NCK2: variants seen among roughly 807,000 people sequenced by gnomAD.
NCK2 encodes the protein cytoplasmic protein NCK2.
In NCK2, 16 loss-of-function variants were observed where a neutral mutation model predicts 33.9. The observed-to-expected ratio is 0.47, with a 90% confidence interval of 0.32 to 0.72. The LOEUF (loss-of-function observed/expected upper bound fraction) is 0.72, where lower values mean the gene tolerates loss of function less well. Among genes scored for constraint, NCK2 ranks in the 30% least tolerant of loss-of-function variants. NCK2 has a pLI of 0.03. For missense variants in NCK2, 418 were observed against 537.3 expected (o/e 0.78, Z 2.19); for synonymous variants, 273 against 239.9 (o/e 1.14, Z -1.27).
chr2:105,773,595 A>G (rs1690206113), intron 1 of NCK2, among the ~76,000 whole-genome samples: 1 of 152,058 alleles, frequency 6.6e-6, no homozygotes, highest in Non-Finnish European at 1.5e-5. Flanking sequence ...ACCCAATACC[A>G]TAGTATCCCT....
intron 3 of NCK2, among the ~76,000 whole-genome samples, chr2:105,877,054 G>C (rs916853179): frequency 6.6e-6 from 1 of 152,190 alleles, no homozygotes; most frequent in Non-Finnish European, 1.5e-5. Context: ...GGCAAGAGGA[G>C]AAGGACAAGG....
rs149064279 is a variant in NCK2, at chr2:105,864,719, C to T, written c.226+9430C>T. Among the ~76,000 whole-genome samples, 641 of 152,126 alleles carry T rather than the reference C, an allele frequency of 4.2e-3. 2 individuals carry two copies. Among genetic ancestry groups the T allele is most frequent in the African/African-American group, 0.014 (582 of 41,500 alleles). ...TACCTCAGCCAGGCATTCAATTTCTCTCATGTTAAAGACTGGACCTGGCCT... is the reference window on the plus strand; with the variant it reads ...TACCTCAGCCAGGCATTCAATTTCTTTCATGTTAAAGACTGGACCTGGCCT... On this transcript the variant is annotated intron_variant, in intron 3 of 4. Coordinates refer to ENST00000233154, the MANE Select transcript of NCK2 (RefSeq NM_003581.5).
At chr2:105,861,815 A>G (rs1312229521) in intron 3 of NCK2, among the ~76,000 whole-genome samples, 2 of 151,436 alleles carry the variant, frequency 1.3e-5, no homozygotes, top group South Asian at 2.1e-4. Flanking sequence ...GCACCCGGCC[A>G]GTTTCTCTCA....
chr2:105,814,803 G>A (rs1008244349), intron 1 of NCK2, among the ~76,000 whole-genome samples: 6 of 152,222 alleles, frequency 3.9e-5, no homozygotes, highest in Admixed American at 6.5e-5. Flanking sequence ...GAGACACAGG[G>A]CACACAGGGG....
At chr2:105,818,267 G>T (rs988238538) in intron 2 of NCK2, among the ~76,000 whole-genome samples, 2 of 66,554 alleles carry the variant, frequency 3.0e-5, no homozygotes, top group Middle Eastern at 7.6e-3. Flanking sequence ...ACCACACACT[G>T]GGGCCTGTTT....
intron 1 of NCK2, among the ~76,000 whole-genome samples, chr2:105,747,842 A>G (rs769654096): frequency 2.6e-5 from 4 of 152,210 alleles, no homozygotes; most frequent in Non-Finnish European, 4.4e-5. Flanking sequence ...AGTTAAGGCA[A>G]CTCAGAAGAA....
At chr2:105,754,334 G>A (rs1395565009) in intron 1 of NCK2, among the ~76,000 whole-genome samples, 1 of 152,198 alleles carries the variant, frequency 6.6e-6, no homozygotes, top group East Asian at 1.9e-4. Context: ...AAAGTGGTGA[G>A]ATCACAGGGA....
intron 1 of NCK2, among the ~76,000 whole-genome samples, chr2:105,801,373 A>G (rs552813876): frequency 2.0e-5 from 3 of 148,608 alleles, no homozygotes; most frequent in South Asian, 4.3e-4. Context: ...CCCCTTCCCC[A>G]TGTCATCGTG....
intron 1 of NCK2, among the ~76,000 whole-genome samples, chr2:105,795,173 A>C (rs1396237938): frequency 6.6e-6 from 1 of 152,252 alleles, no homozygotes; most frequent in South Asian, 2.1e-4. Flanking sequence ...CCAATCACCC[A>C]AAGTCCAGGG....
At chr2:105,806,034 T>C (rs183965309) in intron 1 of NCK2, among the ~76,000 whole-genome samples, 9 of 152,224 alleles carry the variant, frequency 5.9e-5, no homozygotes, top group Admixed American at 5.9e-4. Context: ...TAAACTGTGT[T>C]GTGTGCCTGC....
upstream of NCK2, among the ~76,000 whole-genome samples, chr2:105,744,544 T>G (rs928251106): frequency 1.1e-4 from 17 of 152,124 alleles, no homozygotes; most frequent in African/African-American, 4.1e-4. Flanking sequence ...GTGTTTTCAC[T>G]CTCCTCCCCA....
intron 1 of NCK2, among the ~76,000 whole-genome samples, chr2:105,777,814 A>G (rs1690362112): frequency 1.3e-5 from 2 of 152,194 alleles, no homozygotes; most frequent in Admixed American, 6.5e-5. Context: ...AAACACGTGC[A>G]TCTTGAAAAT....
chr2:105,830,337 G>C (rs1021065073), intron 2 of NCK2, among the ~76,000 whole-genome samples: 11 of 151,992 alleles, frequency 7.2e-5, no homozygotes, highest in Non-Finnish European at 1.3e-4. Context: ...TTCTTTGCCT[G>C]ACTTATTTCA....
At chr2:105,779,225 A>G (rs1455580607) in intron 1 of NCK2, among the ~76,000 whole-genome samples, 1 of 151,222 alleles carries the variant, frequency 6.6e-6, no homozygotes, top group Non-Finnish European at 1.5e-5. Context: ...GAGAATCGCT[A>G]GAAACTGGGA....
chr2:105,873,607 G>A (rs1678111395), intron 3 of NCK2, among the ~76,000 whole-genome samples: 1 of 152,166 alleles, frequency 6.6e-6, no homozygotes, highest in African/African-American at 2.4e-5. Context: ...AGTTTGGCTC[G>A]TTTAAGGGGA....
At chr2:105,844,739 C>T (rs1170074593) in intron 2 of NCK2, among the ~76,000 whole-genome samples, 3 of 71,008 alleles carry the variant, frequency 4.2e-5, no homozygotes, top group African/African-American at 6.6e-5. Context: ...TGTCTTGGGG[C>T]GGGGGGGGAT....
intron 2 of NCK2, 156 bp from the exon 3 acceptor site, chr2:105,854,892 A>G (rs978866709): frequency 3.4e-6 from 2 of 589,410 alleles, no homozygotes; most frequent in African/African-American, 1.9e-5. Context: ...GCTTGTTGAA[A>G]GAAGGTCATT....
At chr2:105,777,484 G>T (rs926863363) in intron 1 of NCK2, among the ~76,000 whole-genome samples, 4 of 152,140 alleles carry the variant, frequency 2.6e-5, no homozygotes, top group Non-Finnish European at 4.4e-5. Flanking sequence ...AGTGGTAGGT[G>T]CTGTGCATTT....
At chr2:105,765,959 AG>A (rs1292183118) in intron 1 of NCK2, among the ~76,000 whole-genome samples, 3 of 151,116 alleles carry the variant, frequency 2.0e-5, no homozygotes, top group African/African-American at 7.3e-5. Flanking sequence ...CTGAATTTGC[AG>A]TGACTTGTTA....
Sources: allele counts gnomAD v4.1 joint callset (sites outside exome capture counted in the v4.1 genomes callset), GRCh38; gene constraint gnomAD v4.1.1; transcripts MANE v1.5; gene names NCBI Gene and HGNC (gene_info 2026-07-23, HGNC 2026-07-21).